DCBLD2: variants seen among roughly 807,000 people sequenced by gnomAD.
The protein encoded by DCBLD2 is discoidin, CUB and LCCL domain containing 2.
In DCBLD2, 54 loss-of-function variants were observed where a neutral mutation model predicts 86.8. The ratio of observed to expected loss-of-function variants is 0.62; its 90% CI spans 0.50 to 0.78. DCBLD2 has a LOEUF of 0.78. Among genes scored for constraint, DCBLD2 ranks in the 30% least tolerant of loss-of-function variants. The pLI is 0.00. For missense variants in DCBLD2, 908 were observed against 954.2 expected, an observed-to-expected ratio of 0.95 and a Z score of 0.64; for synonymous variants, 354 against 341.3, an observed-to-expected ratio of 1.04 and a Z score of -0.41.
At chr3:98,888,747 G>A (rs921863934) in intron 1 of DCBLD2, among the ~76,000 whole-genome samples, 2 of 151,984 alleles carry the variant, frequency 1.3e-5, no homozygotes, top group African/African-American at 2.4e-5. Context: ...TTTATAGCAT[G>A]CTTTAAAGCT....
intron 2 of DCBLD2, among the ~76,000 whole-genome samples, chr3:98,878,204 T>C (rs1011169438): frequency 3.3e-5 from 5 of 152,176 alleles, no homozygotes. Flanking sequence ...AGTTACAGTG[T>C]AGAAAACTGA....
intron 6 of DCBLD2, chr3:98,820,642 T>C: frequency 6.2e-6 from 1 of 162,442 alleles, no homozygotes; most frequent in Non-Finnish European, 1.3e-5. Context: ...ATAAATGGAT[T>C]CTTAACACTT....
chr3:98,808,200 C>A, intron 12 of DCBLD2, 26 bp from the exon 13 acceptor site: 1 of 1,564,544 alleles, frequency 6.4e-7, no homozygotes, highest in Admixed American at 2.0e-5. Context: ...CAAAAACAGA[C>A]AAACAAAAGC....
chr3:98,885,078 T>G (rs1189801619), intron 1 of DCBLD2, among the ~76,000 whole-genome samples: 1 of 152,140 alleles, frequency 6.6e-6, no homozygotes, highest in Non-Finnish European at 1.5e-5. Flanking sequence ...GACTTTTGCA[T>G]GCATGCTGAT....
chr3:98,826,994 A>G (rs568981304), intron 3 of DCBLD2, among the ~76,000 whole-genome samples: 1 of 152,320 alleles, frequency 6.6e-6, no homozygotes, highest in East Asian at 1.9e-4. Context: ...ATAATTCTGA[A>G]GAAATTTTGT....
chr3:98,901,518 T>G lies in DCBLD2; in HGVS notation c.-192A>C. On this transcript the variant is annotated 5_prime_UTR_variant, in exon 1 of 16. Coordinates refer to ENST00000326840, the MANE Select transcript of DCBLD2 (RefSeq NM_080927.4). ...CTCCTCCTTCGTCCCTTCCCTCCGCTCCCCGCGCCGAGACCCCAGGCCGGA... is the reference window on the plus strand; with the variant it reads ...CTCCTCCTTCGTCCCTTCCCTCCGCGCCCCGCGCCGAGACCCCAGGCCGGA... 1 of 464,090 alleles carries G rather than the reference T, an allele frequency of 2.2e-6. No individual in the cohort carries two copies. The highest frequency in any genetic ancestry group is 3.4e-6 in the Non-Finnish European group (1 of 297,230). 28.7% of individuals were successfully genotyped at this position (464,090 alleles called of 1,614,324 possible).
At chr3:98,870,591 G>C (rs766796627) in intron 2 of DCBLD2, among the ~76,000 whole-genome samples, 17 of 150,920 alleles carry the variant, frequency 1.1e-4, no homozygotes, top group Non-Finnish European at 1.9e-4. Flanking sequence ...TCCAGACTGG[G>C]TGACAGAGTA....
At position 98,839,022 on chromosome 3, in the gene DCBLD2, C is replaced by G. The variant is rs561398204; in HGVS notation, c.571+10439G>C. ...CTTCGGCTCCGCATGAGAGGGAGAC[C>G]GTCGGGAGAGGGAGAGGGAGAGGGA... On this transcript the variant is annotated intron_variant, in intron 3 of 15. Transcript: ENST00000326840. 5.3e-4 allele frequency among the ~76,000 whole-genome samples: 55 copies of G among 103,086 alleles called. No homozygotes were observed. The South Asian group carries it at 0.015, about 29-fold the overall frequency. The allele number at this position is 103,086 out of a possible 152,430, so 67.6% of individuals were successfully genotyped here.
In DCBLD2 at chr3:98,799,799, T is replaced by C. The variant is rs771263683; in HGVS notation, c.1901A>G (p.His634Arg). 1.2e-6 allele frequency: 2 copies of C among 1,613,746 alleles called. No individual in the cohort carries two copies. Among genetic ancestry groups the C allele is most frequent in the South Asian group, 1.1e-5 (1 of 91,036 alleles). The change falls in exon 16 of 16, where the codon CAT (histidine) becomes CGT (arginine). Residue 634 changes from histidine (H) to arginine (R), a missense_variant. Physicochemically the swap from His to Arg is conservative, Grantham distance 29. This residue lies in a region of DCBLD2 where 606 missense variants were observed against 678.5 expected (regional missense o/e 0.89). Coordinates refer to ENST00000326840, the MANE Select transcript of DCBLD2 (RefSeq NM_080927.4). Reference protein sequence around the residue: ...PLVGGIVGTLHQRSTFKPEEG... With the variant: ...PLVGGIVGTLRQRSTFKPEEG... ...TTCTGGTTTAAAGGTAGATCTTTGATGAAGTGTACCAACAATTCCTCCTAC... is the reference window on the plus strand; with the variant it reads ...TTCTGGTTTAAAGGTAGATCTTTGACGAAGTGTACCAACAATTCCTCCTAC...
chr3:98,886,077 T>C (rs1254342922), intron 1 of DCBLD2, among the ~76,000 whole-genome samples: 2 of 151,986 alleles, frequency 1.3e-5, no homozygotes, highest in Non-Finnish European at 2.9e-5. Flanking sequence ...GGGTTCCATT[T>C]GGCCCAAAGG....
In DCBLD2 at chr3:98,881,428, T is replaced by C. The variant is rs1447354909; in HGVS notation, c.433+112A>G. On this transcript the variant is annotated intron_variant, in intron 2 of 15. Transcript: ENST00000326840. ...ATTCAAAATTTTTACACATATTCAATAATTTCCCACATAGCACCTTACACT... is the reference window on the plus strand; with the variant it reads ...ATTCAAAATTTTTACACATATTCAACAATTTCCCACATAGCACCTTACACT... The C allele has an allele frequency of 1.5e-5, 14 of 946,448 alleles. No individual in the cohort carries two copies. The Admixed American group carries it at 1.8e-4, about 12-fold the overall frequency. The allele number at this position is 946,448 out of a possible 1,614,324, so 58.6% of individuals were successfully genotyped here.
chr3:98,839,781 T>C (rs2107473184), intron 3 of DCBLD2, among the ~76,000 whole-genome samples: 1 of 152,318 alleles, frequency 6.6e-6, no homozygotes. Flanking sequence ...AAAAAAATAC[T>C]GTGTTAGAAT....
chr3:98,797,206 A>G lies in DCBLD2; in HGVS notation c.*2166T>C, dbSNP rs990177867. 2.0e-5 allele frequency: 3 copies of G among 151,982 alleles called. No homozygotes were observed. The highest frequency in any genetic ancestry group is 4.4e-5 in the Non-Finnish European group (3 of 67,856). 9.4% of individuals were successfully genotyped at this position (151,982 alleles called of 1,614,324 possible). A position where few individuals can be genotyped will look rare whatever the true frequency, so the allele number is the denominator to read the frequency against. On this transcript the variant is annotated 3_prime_UTR_variant, in exon 16 of 16. Transcript: ENST00000326840. The stretch of plus-strand genomic sequence containing the variant: ...TTTTATAAAAATTATTGGTAGTTCA[A>G]GGATAGCACAGTGGCAATATGAATC...
At chr3:98,843,510 C>T (rs1044839271) in intron 3 of DCBLD2, among the ~76,000 whole-genome samples, 2 of 152,056 alleles carry the variant, frequency 1.3e-5, no homozygotes, top group Non-Finnish European at 2.9e-5. Context: ...AAAAAAATAA[C>T]CGGTTACAGA....
intron 1 of DCBLD2, among the ~76,000 whole-genome samples, chr3:98,899,130 T>C (rs1245058249): frequency 6.6e-6 from 1 of 152,068 alleles, no homozygotes; most frequent in Non-Finnish European, 1.5e-5. Flanking sequence ...CTATTTATGT[T>C]GATGTTTACA....
At chr3:98,862,961 T>C (rs1262797093) in intron 2 of DCBLD2, among the ~76,000 whole-genome samples, 1 of 152,192 alleles carries the variant, frequency 6.6e-6, no homozygotes, top group Non-Finnish European at 1.5e-5. Flanking sequence ...TGATTGTATA[T>C]TTAGAAAACC....
chr3:98,884,390 T>C (rs13322253), intron 1 of DCBLD2, among the ~76,000 whole-genome samples: 3 of 151,310 alleles, frequency 2.0e-5, no homozygotes, highest in Non-Finnish European at 4.4e-5. Context: ...AAATGTAGGA[T>C]GTTACACAGT....
At chr3:98,873,237 A>G (rs1243438722) in intron 2 of DCBLD2, among the ~76,000 whole-genome samples, 1 of 152,128 alleles carries the variant, frequency 6.6e-6, no homozygotes, top group Non-Finnish European at 1.5e-5. Context: ...TCCAGGAGAC[A>G]GCAAAGAAAG....
intron 4 of DCBLD2, among the ~76,000 whole-genome samples, chr3:98,823,628 T>C (rs1942162079): frequency 3.0e-5 from 1 of 33,460 alleles, no homozygotes; most frequent in Admixed American, 4.7e-4. Flanking sequence ...ATAATTGATT[T>C]TGATTCTGCT....
Sources: gnomAD v4.1 joint callset for allele counts (sites outside exome capture counted in the v4.1 genomes callset) on GRCh38, gnomAD v4.1.1 for gene constraint, gnomAD v4.1.1 regional missense constraint, MANE v1.5 for transcripts, NCBI Gene and HGNC (gene_info 2026-07-23, HGNC 2026-07-21) for gene names.